The following PRKX variants were observed in gnomAD, a reference collection of about 807,000 sequenced individuals.
PRKX encodes the protein cAMP-dependent protein kinase catalytic subunit PRKX.
Under a neutral mutation model 22.0 loss-of-function variants are expected in PRKX, and 12 were observed. That is an observed-to-expected ratio of 0.54 (90% CI 0.35 to 0.88). PRKX has a LOEUF of 0.88. Ranked by LOEUF, PRKX falls within the 40% of genes least tolerant of loss-of-function variation. PRKX has a pLI of 0.01. For synonymous variants in PRKX, 134 were observed against 137.7 expected (o/e 0.97, Z 0.19); for missense variants, 217 against 308.0 (o/e 0.70, Z 2.21).
chrX:3,619,811 G>A (rs1450983204), intron 6 of PRKX, among the ~76,000 whole-genome samples: 4 of 110,899 alleles, frequency 3.6e-5, no homozygotes, highest in Non-Finnish European at 7.6e-5. Flanking sequence ...CCACACAGAG[G>A]GCCCCAAGAG....
chrX:3,697,542 CT>C (rs11424185), intron 1 of PRKX, among the ~76,000 whole-genome samples: 4 of 104,662 alleles, frequency 3.8e-5, no homozygotes, highest in East Asian at 3.0e-4. Context: ...TCACAATGTC[CT>C]TTTTTTTTTC....
At chrX:3,638,846 G>A (rs189703302) in intron 4 of PRKX, among the ~76,000 whole-genome samples, 65 of 107,075 alleles carry the variant, frequency 6.1e-4, no homozygotes, top group African/African-American at 1.6e-3. Context: ...AAAGACAGAT[G>A]ATAAATAGAT....
chrX:3,677,394 T>A, intron 1 of PRKX, among the ~76,000 whole-genome samples: 1 of 102,027 alleles, frequency 9.8e-6, no homozygotes. Context: ...AATGGCACAA[T>A]CAATAGCTCA....
intron 1 of PRKX, among the ~76,000 whole-genome samples, chrX:3,712,289 C>A (rs1186677153): frequency 1.8e-5 from 2 of 110,952 alleles, no homozygotes; most frequent in African/African-American, 3.3e-5. Context: ...ACAGGCGGGC[C>A]GATGACAACT....
intron 2 of PRKX, among the ~76,000 whole-genome samples, chrX:3,663,916 G>A (rs183116915): frequency 5.6e-4 from 63 of 111,674 alleles, no homozygotes; most frequent in African/African-American, 1.8e-3. Flanking sequence ...TGGCAGCAGC[G>A]CTTGGGAATC....
intron 4 of PRKX, among the ~76,000 whole-genome samples, chrX:3,629,466 C>T (rs1328672475): frequency 2.8e-5 from 3 of 107,209 alleles, no homozygotes; most frequent in African/African-American, 6.8e-5. Context: ...CTATGTTGCC[C>T]AGGCTGGTCT....
chrX:3,638,410 ACT>A (rs758666288), intron 4 of PRKX, among the ~76,000 whole-genome samples: 2 of 111,296 alleles, frequency 1.8e-5, no homozygotes, highest in South Asian at 3.8e-4. Context: ...CACGAACCTC[ACT>A]CTATTTAAAA....
At chrX:3,659,717 GTTTTTTTTTTTGTTTTT>G (rs1310442551) in intron 2 of PRKX, among the ~76,000 whole-genome samples, 2 of 28,040 alleles carry the variant, frequency 7.1e-5, no homozygotes, top group East Asian at 1.3e-3. Flanking sequence ...TGTTTTTTTT[GTTTTTTTTTTTGTTTTT>G]TTTTTTTTTG....
chrX:3,672,610 C>T (rs766762177), intron 2 of PRKX, among the ~76,000 whole-genome samples: 10 of 111,311 alleles, frequency 9.0e-5, no homozygotes, highest in Non-Finnish European at 1.9e-4. Flanking sequence ...CCCATCGTCT[C>T]GGCTGCTCTC....
intron 2 of PRKX, among the ~76,000 whole-genome samples, chrX:3,660,550 A>C (rs1927574047): frequency 1.8e-5 from 2 of 111,477 alleles, no homozygotes; most frequent in African/African-American, 6.5e-5. Flanking sequence ...TATATCCTGT[A>C]TCCTCCCCCA....
intron 3 of PRKX, among the ~76,000 whole-genome samples, chrX:3,646,210 T>C (rs1440114619): frequency 9.0e-6 from 1 of 110,671 alleles, no homozygotes. Context: ...GAGAATCACT[T>C]GAACCTGGGT....
chrX:3,621,496 T>C (rs1926556965), intron 5 of PRKX, among the ~76,000 whole-genome samples, 180 bp from the exon 6 acceptor site: 1 of 112,311 alleles, frequency 8.9e-6, no homozygotes, highest in South Asian at 3.7e-4. Flanking sequence ...AAATCACCTA[T>C]GCAAGGCTGG....
intron 4 of PRKX, among the ~76,000 whole-genome samples, chrX:3,631,448 G>C (rs1926778979): frequency 9.0e-6 from 1 of 111,003 alleles, no homozygotes; most frequent in Admixed American, 9.6e-5. Context: ...GGGATGCCTG[G>C]AGCCCCCAGG....
At chrX:3,705,832 C>T (rs1369584610) in intron 1 of PRKX, among the ~76,000 whole-genome samples, 9 of 106,456 alleles carry the variant, frequency 8.5e-5, no homozygotes, top group Non-Finnish European at 1.5e-4. Context: ...GACTAACAGG[C>T]GCCCGCCACC....
chrX:3,668,672 GA>G (rs1439357334), intron 2 of PRKX, among the ~76,000 whole-genome samples: 1 of 112,028 alleles, frequency 8.9e-6, no homozygotes, highest in African/African-American at 3.2e-5. Context: ...AAGTTCTGTA[GA>G]AGAAAGCTGG....
At chrX:3,619,874 A>T (rs1352043901) in intron 6 of PRKX, among the ~76,000 whole-genome samples, 1 of 111,452 alleles carries the variant, frequency 9.0e-6, no homozygotes, top group African/African-American at 3.3e-5. Context: ...TCCAGACTGT[A>T]ATTTACAGGG....
chrX:3,700,794 T>C (rs753656334), intron 1 of PRKX, among the ~76,000 whole-genome samples: 1 of 110,546 alleles, frequency 9.0e-6, no homozygotes, highest in Admixed American at 9.7e-5. Flanking sequence ...GTTTTCACCA[T>C]GTTGCCGAGG....
intron 3 of PRKX, among the ~76,000 whole-genome samples, chrX:3,647,022 C>T (rs1240700791): frequency 1.8e-5 from 2 of 110,790 alleles, no homozygotes; most frequent in African/African-American, 6.6e-5. Flanking sequence ...CCCTCCTTGA[C>T]TTCCGTTAAA....
At chrX:3,627,245 G>A (rs1292105839) in intron 4 of PRKX, among the ~76,000 whole-genome samples, 2 of 109,321 alleles carry the variant, frequency 1.8e-5, no homozygotes, top group Admixed American at 9.8e-5. Flanking sequence ...AGCCAGGCGT[G>A]GTGGCACGCG....
Sources: gnomAD v4.1 joint callset for allele counts (sites outside exome capture counted in the v4.1 genomes callset) on GRCh38, gnomAD v4.1.1 for gene constraint, MANE v1.5 for transcripts, NCBI Gene and HGNC (gene_info 2026-07-23, HGNC 2026-07-21) for gene names.